Variants in ANO3 observed in about 807,000 individuals in gnomAD.
The protein encoded by ANO3 is anoctamin-3.
Under a neutral mutation model 144.8 loss-of-function variants are expected in ANO3, and 99 were observed. The ratio of observed to expected loss-of-function variants is 0.68; its 90% CI spans 0.58 to 0.81. ANO3 has a LOEUF of 0.81. Among genes scored for constraint, ANO3 ranks in the 30% least tolerant of loss-of-function variants. ANO3 has a pLI of 0.00. For missense variants in ANO3, 905 were observed against 1,202.2 expected (o/e 0.75, Z 3.66); for synonymous variants, 414 against 392.6 (o/e 1.05, Z -0.64).
chr11:26,355,178 C>A (rs1219863572), intron 1 of ANO3, among the ~76,000 whole-genome samples: 1 of 152,032 alleles, frequency 6.6e-6, no homozygotes, highest in Admixed American at 6.5e-5. Flanking sequence ...CTTTCAGTTT[C>A]TTTGCTCCCT....
chr11:26,267,894 G>T (rs904966318), intron 1 of ANO3, among the ~76,000 whole-genome samples: 3 of 151,680 alleles, frequency 2.0e-5, no homozygotes, highest in African/African-American at 7.3e-5. Context: ...TGATATCTTG[G>T]CATGTAAATG....
At chr11:26,585,661 T>C (rs1289350324) in intron 14 of ANO3, among the ~76,000 whole-genome samples, 4 of 152,166 alleles carry the variant, frequency 2.6e-5, no homozygotes, top group African/African-American at 7.2e-5. Flanking sequence ...CATTCCCACC[T>C]ATCAGAACCT....
intron 18 of ANO3, among the ~76,000 whole-genome samples, chr11:26,632,684 T>C (rs958372565): frequency 6.6e-6 from 1 of 151,606 alleles, no homozygotes; most frequent in Non-Finnish European, 1.5e-5. Flanking sequence ...TTTCAGGCAC[T>C]TGATACATTG....
chr11:26,592,891 C>T (rs1388851487), intron 14 of ANO3, among the ~76,000 whole-genome samples: 3 of 152,074 alleles, frequency 2.0e-5, no homozygotes, highest in Non-Finnish European at 4.4e-5. Context: ...TCGTGAGTTT[C>T]CCCATTCTGT....
At position 26,488,115 on chromosome 11, in the gene ANO3, G is replaced by A. The variant is rs562572995; in HGVS notation, c.433-19989G>A. The stretch of plus-strand genomic sequence containing the variant: ...CAGGAGGTGGAGGTTGCAGTGAGCT[G>A]AGATTGCACCACTGCACTCCAGCCT... On this transcript the variant is annotated intron_variant, in intron 4 of 26. Coordinates refer to ENST00000256737, the MANE Select transcript of ANO3 (RefSeq NM_031418.4). 3.0e-3 allele frequency among the ~76,000 whole-genome samples: 455 copies of A among 152,172 alleles called. 1 individual carries two copies. Among genetic ancestry groups the A allele is most frequent in the Non-Finnish European group, 5.5e-3 (371 of 68,004 alleles).
chr11:26,549,570 T>C lies in ANO3; in HGVS notation c.1289+2020T>C, dbSNP rs569928109. On this transcript the variant is annotated intron_variant, in intron 12 of 26. Transcript: ENST00000256737. ...ATTGATCATGTTTCTACAAGTTATG[T>C]CCAACTAAATTAAGATCATGTTTCT... Among the ~76,000 whole-genome samples the C allele has an allele frequency of 2.6e-5, 4 of 152,076 alleles. No homozygotes were observed. In the South Asian group the frequency reaches 8.3e-4, roughly 32 times the overall value.
At chr11:26,533,901 T>G (rs1209907347) in intron 8 of ANO3, among the ~76,000 whole-genome samples, 1 of 152,174 alleles carries the variant, frequency 6.6e-6, no homozygotes, top group Non-Finnish European at 1.5e-5. Context: ...GACACTTCCA[T>G]TTTTTCGAGA....
intron 1 of ANO3, among the ~76,000 whole-genome samples, chr11:26,388,171 C>G (rs986010536): frequency 1.0e-4 from 15 of 148,878 alleles, no homozygotes; most frequent in Non-Finnish European, 1.9e-4. Context: ...ATTTTTGTCC[C>G]CAAAATTATA....
intron 1 of ANO3, among the ~76,000 whole-genome samples, chr11:26,248,928 C>T (rs555650097): frequency 6.6e-6 from 1 of 152,250 alleles, no homozygotes; most frequent in African/African-American, 2.4e-5. Flanking sequence ...ACTGCACATG[C>T]AAAGGATCTA....
chr11:26,400,867 C>T (rs1193025517), intron 1 of ANO3, among the ~76,000 whole-genome samples: 1 of 151,612 alleles, frequency 6.6e-6, no homozygotes, highest in African/African-American at 2.4e-5. Flanking sequence ...TAGACACACA[C>T]ACACACAAAC....
Position 26,547,458 on chromosome 11 carries a change from G to A in ANO3, c.1197G>A (p.Leu399=). 6.2e-7 allele frequency: 1 copy of A among 1,611,998 alleles called. No homozygotes were observed. The highest frequency in any genetic ancestry group is 8.5e-7 in the Non-Finnish European group (1 of 1,178,536). ...GEKIGLYFAW[L]GWYTGMLIPA... is the part of the protein sequence containing the mutation. ...AGATTGGACTATACTTTGCTTGGCT[G>A]GGATGGTATACTGGAATGTTGATTC... The change falls in exon 12 of 27, where the codon CTG becomes CTA. Residue 399 remains leucine (L), a synonymous_variant. Transcript: ENST00000256737.
At chr11:26,380,578 T>A (rs1856562603) in intron 1 of ANO3, among the ~76,000 whole-genome samples, 1 of 152,186 alleles carries the variant, frequency 6.6e-6, no homozygotes, top group African/African-American at 2.4e-5. Flanking sequence ...AAACCTCTTT[T>A]ACATGGCATT....
At chr11:26,431,225 C>G (rs764957933) in intron 1 of ANO3, among the ~76,000 whole-genome samples, 6 of 152,154 alleles carry the variant, frequency 3.9e-5, no homozygotes, top group Non-Finnish European at 8.8e-5. Flanking sequence ...AGGAAAATGT[C>G]TAAATTCTTT....
At chr11:26,562,391 T>C (rs2134252745) in intron 14 of ANO3, among the ~76,000 whole-genome samples, 1 of 152,066 alleles carries the variant, frequency 6.6e-6, no homozygotes, top group East Asian at 1.9e-4. Context: ...TTTGTTATGG[T>C]GACAAGAATC....
chr11:26,496,677 C>T (rs934329423), intron 4 of ANO3, among the ~76,000 whole-genome samples: 13 of 152,044 alleles, frequency 8.6e-5, no homozygotes, highest in African/African-American at 3.1e-4. Flanking sequence ...TCATCCCTCA[C>T]TCCCCTCACT....
intron 1 of ANO3, among the ~76,000 whole-genome samples, chr11:26,193,141 T>A (rs2133904454): frequency 7.0e-6 from 1 of 141,856 alleles, no homozygotes; most frequent in African/African-American, 2.6e-5. Flanking sequence ...CCTATCTTTT[T>A]TTTTTTTTTT....
At chr11:26,212,448 G>T (rs1851953795) in intron 1 of ANO3, among the ~76,000 whole-genome samples, 1 of 150,368 alleles carries the variant, frequency 6.7e-6, no homozygotes, top group Non-Finnish European at 1.5e-5. Flanking sequence ...ATGATAAAGG[G>T]GATATCACCA....
At chr11:26,233,202 G>C (rs1300238462) in intron 1 of ANO3, among the ~76,000 whole-genome samples, 8 of 138,964 alleles carry the variant, frequency 5.8e-5, no homozygotes, top group Non-Finnish European at 1.2e-4. Flanking sequence ...GGGCAACAGA[G>C]CAAGACTCCG....
intron 17 of ANO3, among the ~76,000 whole-genome samples, chr11:26,616,764 G>T (rs546953250): frequency 3.0e-4 from 45 of 152,100 alleles, no homozygotes; most frequent in African/African-American, 1.0e-3. Flanking sequence ...TTACAAAATT[G>T]TTCTTTTTTA....
Sources: allele counts gnomAD v4.1 joint callset (sites outside exome capture counted in the v4.1 genomes callset), GRCh38; gene constraint gnomAD v4.1.1; transcripts MANE v1.5; gene names NCBI Gene and HGNC (gene_info 2026-07-23, HGNC 2026-07-21).